The following TTLL1 variants were observed in gnomAD, a reference collection of about 807,000 sequenced individuals.
The protein encoded by TTLL1 is TTL family tubulin polyglutamylase complex subunit L1.
Under a neutral mutation model 47.8 loss-of-function variants are expected in TTLL1, and 33 were observed. That is an observed-to-expected ratio of 0.69 (90% CI 0.52 to 0.92). TTLL1 has a LOEUF of 0.92. Ranked by LOEUF, TTLL1 falls within the 40% of genes least tolerant of loss-of-function variation. The probability of loss-of-function intolerance (pLI) is 0.00; values close to 1 mark genes in which losing one functional copy is unlikely to be tolerated. For synonymous variants in TTLL1, 225 were observed against 214.1 expected (o/e 1.05, Z -0.45); for missense variants, 488 against 547.5 (o/e 0.89, Z 1.08).
intron 1 of TTLL1, among the ~76,000 whole-genome samples, chr22:43,085,969 T>C (rs1929204520): frequency 6.6e-6 from 1 of 152,162 alleles, no homozygotes; most frequent in African/African-American, 2.4e-5. Flanking sequence ...AGGCCTAGCG[T>C]GGGGCTCCAA....
intron 6 of TTLL1, 69 bp downstream of exon 6, chr22:43,064,121 G>A: frequency 2.5e-6 from 4 of 1,579,994 alleles, no homozygotes; most frequent in South Asian, 2.4e-5. Flanking sequence ...CCTCACAATG[G>A]TGCTAAGAAG....
At chr22:43,050,656 G>A (rs949116546) in intron 9 of TTLL1, among the ~76,000 whole-genome samples, 1 of 151,818 alleles carries the variant, frequency 6.6e-6, no homozygotes, top group Non-Finnish European at 1.5e-5. Context: ...CCCGGTAGCT[G>A]GGATTACAGG....
At chr22:43,070,094 G>A (rs1928015822) in intron 3 of TTLL1, 5 of 1,304,214 alleles carry the variant, frequency 3.8e-6, no homozygotes, top group Non-Finnish European at 5.4e-6. Context: ...CTGGCCCGGA[G>A]CAGGCACTCA....
chr22:43,063,610 G>A (rs1241639621), intron 7 of TTLL1, among the ~76,000 whole-genome samples: 4 of 151,704 alleles, frequency 2.6e-5, no homozygotes, highest in East Asian at 3.9e-4. Context: ...AATTACAGGC[G>A]CCAGCCACCA....
At chr22:43,079,340 G>C (rs1173199370) in intron 2 of TTLL1, among the ~76,000 whole-genome samples, 2 of 140,102 alleles carry the variant, frequency 1.4e-5, no homozygotes, top group African/African-American at 5.4e-5. Context: ...CACACCCCAG[G>C]TGTGAGCCCA....
At chr22:43,045,508 G>C (rs1021450484) in intron 10 of TTLL1, among the ~76,000 whole-genome samples, 2 of 100,982 alleles carry the variant, frequency 2.0e-5, no homozygotes, top group Non-Finnish European at 3.7e-5. Context: ...ATGGGGTTTC[G>C]CTATGTTTGC....
chr22:43,069,843 T>A lies in TTLL1; in HGVS notation c.115A>T (p.Met39Leu), dbSNP rs1927999450. 1 of 1,614,062 alleles carries A rather than the reference T, an allele frequency of 6.2e-7. No homozygotes were observed. Among genetic ancestry groups the A allele is most frequent in the African/African-American group, 1.3e-5 (1 of 75,052 alleles). ...TENEDWNFYW[M>L]SVQTIRNVFS... is the part of the protein sequence containing the mutation. Reference sequence around the variant, plus strand: ...ACATTTCGGATGGTTTGCACACTCATCCTGAAAGAGATGAGCAGGAGAGAC... The same window carrying A: ...ACATTTCGGATGGTTTGCACACTCAACCTGAAAGAGATGAGCAGGAGAGAC... The change falls in exon 4 of 11, where the codon ATG becomes TTG. Residue 39 changes from methionine to leucine, a missense_variant and splice_region_variant. Physicochemically the swap from Met to Leu is conservative, Grantham distance 15. Transcript: ENST00000266254.
rs57003421 is a variant in TTLL1, at chr22:43,045,470, A to ATTT, written c.1142+937_1142+939dup. ...CTGTAAAATAGATCTTATTATACCC[A>ATTT]TTTTTTTTTTTTTTTTTTTTTGTAG... On this transcript the variant is annotated intron_variant, in intron 10 of 10. Transcript: ENST00000266254. Among the ~76,000 whole-genome samples, 485 of 107,966 alleles carry ATTT rather than the reference A, an allele frequency of 4.5e-3. 29 individuals carry two copies. Among genetic ancestry groups the ATTT allele is most frequent in the South Asian group, 8.7e-3 (28 of 3,208 alleles). The allele number at this position is 107,966 out of a possible 152,430, so 70.8% of individuals were successfully genotyped here.
chr22:43,063,786 T>C, intron 7 of TTLL1, 27 bp downstream of exon 7: 2 of 1,602,500 alleles, frequency 1.2e-6, no homozygotes, highest in Non-Finnish European at 1.7e-6. Context: ...TCCATTTCTG[T>C]AAGCACAAAT....
At chr22:43,088,324 C>CTTTTTTTTTTTTTTTTTTTTTTT (rs1167618669) in intron 1 of TTLL1, among the ~76,000 whole-genome samples, 1 of 56,468 alleles carries the variant, frequency 1.8e-5, no homozygotes, top group African/African-American at 7.3e-5. Context: ...AAGGGCCCAT[C>CTTTTTTTTTTTTTTTTTTTTTTT]TTTTTTTTTT....
At chr22:43,049,305 C>T (rs1037246339) in intron 9 of TTLL1, among the ~76,000 whole-genome samples, 1 of 151,698 alleles carries the variant, frequency 6.6e-6, no homozygotes, top group Non-Finnish European at 1.5e-5. Flanking sequence ...GGGCAGATCA[C>T]TTGAGGTCAG....
intron 1 of TTLL1, among the ~76,000 whole-genome samples, chr22:43,081,443 C>T (rs553511268): frequency 8.5e-5 from 13 of 152,270 alleles, no homozygotes; most frequent in East Asian, 5.8e-4. Context: ...GTTGTGTCCC[C>T]ACAAACTTAT....
intron 8 of TTLL1, among the ~76,000 whole-genome samples, chr22:43,055,489 G>A (rs1032424745): frequency 6.6e-6 from 1 of 152,004 alleles, no homozygotes; most frequent in Non-Finnish European, 1.5e-5. Flanking sequence ...GCACCACCAT[G>A]CCTGGCTAAT....
intron 7 of TTLL1, among the ~76,000 whole-genome samples, chr22:43,062,352 G>A (rs1569428467): frequency 2.0e-5 from 3 of 151,842 alleles, no homozygotes; most frequent in Admixed American, 1.3e-4. Flanking sequence ...TTAGCTGGGC[G>A]TGGTGGCGCA....
chr22:43,069,220 C>CAAAAA (rs66913313), intron 4 of TTLL1, among the ~76,000 whole-genome samples: 1 of 80,400 alleles, frequency 1.2e-5, no homozygotes, highest in Non-Finnish European at 2.9e-5. Flanking sequence ...ACTAAAAATA[C>CAAAAA]AAAAAAAAAA....
rs188684785 is a variant in TTLL1, at chr22:43,081,128, C to T, written c.-89-1142G>A. On this transcript the variant is annotated intron_variant, in intron 1 of 10. Coordinates refer to ENST00000266254, the MANE Select transcript of TTLL1 (RefSeq NM_012263.5). ...ACAGGGTTTCACCATGTTGGCCAGGCTGGTCTCAAACTCCCGACCTCAGGT... is the reference window on the plus strand; with the variant it reads ...ACAGGGTTTCACCATGTTGGCCAGGTTGGTCTCAAACTCCCGACCTCAGGT... 1.4e-3 allele frequency among the ~76,000 whole-genome samples: 215 copies of T among 151,852 alleles called. 1 individual carries two copies. The highest frequency in any genetic ancestry group is 4.6e-3 in the African/African-American group (191 of 41,410).
chr22:43,065,770 G>T (rs540047749), intron 5 of TTLL1, among the ~76,000 whole-genome samples: 2 of 152,042 alleles, frequency 1.3e-5, no homozygotes, highest in Non-Finnish European at 2.9e-5. Flanking sequence ...AACAATTCTG[G>T]TAGGGGATGC....
At chr22:43,056,933 C>T (rs564963896) in intron 8 of TTLL1, among the ~76,000 whole-genome samples, 115 of 152,278 alleles carry the variant, frequency 7.6e-4, no homozygotes, top group Non-Finnish European at 1.2e-3. Context: ...GCTGGGATCA[C>T]AAGTATGTGC....
intron 3 of TTLL1, chr22:43,070,058 G>A: frequency 8.4e-7 from 1 of 1,190,464 alleles, no homozygotes; most frequent in Non-Finnish European, 1.2e-6. Flanking sequence ...GCCAGGAGCT[G>A]TGCTGATTCT....
Sources: gnomAD v4.1 joint callset for allele counts (sites outside exome capture counted in the v4.1 genomes callset) on GRCh38, gnomAD v4.1.1 for gene constraint, MANE v1.5 for transcripts, NCBI Gene and HGNC (gene_info 2026-07-23, HGNC 2026-07-21) for gene names.